ST18: variants seen among roughly 807,000 people sequenced by gnomAD.
ST18 encodes ST18 C2H2C-type zinc finger transcription factor.
In ST18, 50 loss-of-function variants were observed where a neutral mutation model predicts 110.0. That is an observed-to-expected ratio of 0.45 (90% confidence interval 0.36 to 0.58). The LOEUF is 0.58. ST18 is among the 20% of genes least tolerant of loss of function. The pLI is 0.00. For missense variants in ST18, 1,306 were observed against 1,280.1 expected, an observed-to-expected ratio of 1.02 and a Z score of -0.31; for synonymous variants, 461 against 452.4, an observed-to-expected ratio of 1.02 and a Z score of -0.24.
intron 8 of ST18, among the ~76,000 whole-genome samples, 158 bp downstream of exon 8, chr8:52,211,918 TCTC>T (rs1263605809): frequency 6.6e-6 from 1 of 152,070 alleles, no homozygotes; most frequent in Admixed American, 6.6e-5. Flanking sequence ...GTACAATCAT[TCTC>T]CTCCGCCTTC....
intron 2 of ST18, among the ~76,000 whole-genome samples, chr8:52,272,857 A>G (rs148149243): frequency 4.6e-5 from 7 of 152,362 alleles, no homozygotes; most frequent in Non-Finnish European, 8.8e-5. Flanking sequence ...GTTGTCTAAA[A>G]TAGTCAAATT....
intron 2 of ST18, among the ~76,000 whole-genome samples, chr8:52,374,831 G>A (rs1831616221): frequency 6.6e-6 from 1 of 152,136 alleles, no homozygotes; most frequent in Admixed American, 6.6e-5. Flanking sequence ...ATGATTTCCA[G>A]CTTCATCCAT....
At chr8:52,127,827 G>A (rs2047657870) in intron 22 of ST18, among the ~76,000 whole-genome samples, 2 of 151,556 alleles carry the variant, frequency 1.3e-5, no homozygotes, top group African/African-American at 4.9e-5. Context: ...AAAAAAAAAG[G>A]GCAGGAAAAA....
intron 3 of ST18, among the ~76,000 whole-genome samples, chr8:52,223,643 CAA>C (rs200869357): frequency 0.13 from 14,767 of 115,524 alleles, 1,690 homozygotes; most frequent in African/African-American, 0.34. Flanking sequence ...GACTCTGTCT[CAA>C]AAAAAAAAAA....
chr8:52,223,003 A>T (rs1374606353), intron 3 of ST18, among the ~76,000 whole-genome samples: 1 of 152,210 alleles, frequency 6.6e-6, no homozygotes, highest in Non-Finnish European at 1.5e-5. Flanking sequence ...ATGATGTGAC[A>T]AGTGAGGTGT....
In ST18 at chr8:52,359,165, G is replaced by A. The variant is rs558668341; in HGVS notation, c.-465+50163C>T. Among the ~76,000 whole-genome samples, 5 of 151,972 alleles carry A rather than the reference G, an allele frequency of 3.3e-5. No individual in the cohort carries two copies. In the South Asian group the frequency reaches 1.0e-3, roughly 32 times the overall value. On this transcript the variant is annotated intron_variant, in intron 2 of 25. Coordinates refer to ENST00000689386, the MANE Select transcript of ST18 (RefSeq NM_001352837.2). ...CTCAATTGATATAAAAAAAGCATTT[G>A]AGAAAAATTCAATACTATTTCAAGA...
intron 8 of ST18, among the ~76,000 whole-genome samples, chr8:52,204,573 G>A (rs1454370066): frequency 2.0e-5 from 3 of 152,154 alleles, no homozygotes; most frequent in South Asian, 2.1e-4. Flanking sequence ...GTTTGTTACC[G>A]ATGCTGTGAA....
chr8:52,379,614 A>G (rs1478678491), intron 2 of ST18, among the ~76,000 whole-genome samples: 2 of 152,188 alleles, frequency 1.3e-5, no homozygotes, highest in Non-Finnish European at 2.9e-5. Context: ...TTGAAAAAAA[A>G]TTAGAAAAAG....
At chr8:52,362,247 T>C (rs1289446998) in intron 2 of ST18, among the ~76,000 whole-genome samples, 1 of 152,186 alleles carries the variant, frequency 6.6e-6, no homozygotes, top group Non-Finnish European at 1.5e-5. Flanking sequence ...GTATGAAAGG[T>C]ACATTGCATA....
At chr8:52,119,603 G>A (rs974208650) in intron 23 of ST18, among the ~76,000 whole-genome samples, 5 of 152,186 alleles carry the variant, frequency 3.3e-5, no homozygotes, top group Middle Eastern at 3.4e-3. Flanking sequence ...TCTTCCTTAG[G>A]TACACACCCA....
At chr8:52,219,602 C>T (rs758030202) in intron 5 of ST18, among the ~76,000 whole-genome samples, 23 of 152,114 alleles carry the variant, frequency 1.5e-4, no homozygotes, top group Non-Finnish European at 3.1e-4. Context: ...TCCTTGTCTC[C>T]CCTAATCCCT....
intron 2 of ST18, among the ~76,000 whole-genome samples, chr8:52,381,092 CT>C (rs1455563811): frequency 1.3e-5 from 2 of 152,178 alleles, no homozygotes; most frequent in East Asian, 3.9e-4. Context: ...TCACTGCTAC[CT>C]AACTTTTCTT....
chr8:52,403,203 T>A (rs1843348396), intron 2 of ST18: 1 of 152,204 alleles, frequency 6.6e-6, no homozygotes, highest in African/African-American at 2.4e-5. Context: ...TGCACTACCA[T>A]GTTTGAAAGC....
chr8:52,171,382 G>A (rs982095323), intron 10 of ST18, among the ~76,000 whole-genome samples: 3 of 152,206 alleles, frequency 2.0e-5, no homozygotes, highest in Non-Finnish European at 4.4e-5. Context: ...AAAAGGACCA[G>A]AGCATCCTGC....
At chr8:52,352,704 G>C (rs1820930447) in intron 2 of ST18, among the ~76,000 whole-genome samples, 1 of 152,174 alleles carries the variant, frequency 6.6e-6, no homozygotes, top group Admixed American at 6.5e-5. Context: ...ACTGTCCCCT[G>C]CTCCAGTGGG....
chr8:52,409,240 T>G (rs973472107), intron 2 of ST18, 88 bp downstream of exon 2: 4 of 152,268 alleles, frequency 2.6e-5, no homozygotes, highest in African/African-American at 9.6e-5. Context: ...CTTGCGCATC[T>G]TGCGCCAGTG....
chr8:52,337,641 A>G (rs1812750288), intron 2 of ST18, among the ~76,000 whole-genome samples: 1 of 152,194 alleles, frequency 6.6e-6, no homozygotes, highest in Non-Finnish European at 1.5e-5. Context: ...AGAAAGATAT[A>G]TCACATGCTG....
At chr8:52,187,716 T>C (rs779782224) in intron 8 of ST18, among the ~76,000 whole-genome samples, 4 of 152,198 alleles carry the variant, frequency 2.6e-5, no homozygotes, top group Non-Finnish European at 5.9e-5. Context: ...TAAAGAGAGG[T>C]GATCCTTTTT....
chr8:52,303,577 G>A (rs529604597), intron 2 of ST18, among the ~76,000 whole-genome samples: 1 of 152,330 alleles, frequency 6.6e-6, no homozygotes, highest in Admixed American at 6.5e-5. Flanking sequence ...GTGGACATAA[G>A]TAATGGGACC....
Sources: allele counts gnomAD v4.1 joint callset (sites outside exome capture counted in the v4.1 genomes callset), GRCh38; gene constraint gnomAD v4.1.1; transcripts MANE v1.5; gene names NCBI Gene and HGNC (gene_info 2026-07-23, HGNC 2026-07-21).